The following UBAP1 variants were observed in gnomAD, a reference collection of about 807,000 sequenced individuals.
UBAP1 encodes ubiquitin-associated protein 1.
UBAP1 carries 5 observed loss-of-function variants against 39.0 expected under a neutral mutation model. That is an observed-to-expected ratio of 0.13 (90% CI 0.07 to 0.27). UBAP1 has a LOEUF of 0.27. UBAP1 is among the 10% of genes least tolerant of loss of function. UBAP1 has a pLI of 1.00. For missense variants in UBAP1, 490 were observed against 608.1 expected (o/e 0.81, Z 2.04); for synonymous variants, 211 against 225.1 (o/e 0.94, Z 0.56).
At chr9:34,220,666 A>C (rs1210574681) in intron 1 of UBAP1, among the ~76,000 whole-genome samples, 1 of 151,748 alleles carries the variant, frequency 6.6e-6, no homozygotes, top group Non-Finnish European at 1.5e-5. Context: ...ATGGGGTCTC[A>C]CTATGTTGCT....
intron 3 of UBAP1, among the ~76,000 whole-genome samples, chr9:34,239,250 G>T (rs972552219): frequency 1.3e-5 from 2 of 152,200 alleles, no homozygotes; most frequent in African/African-American, 4.8e-5. Flanking sequence ...TTGCCATGTT[G>T]ACCAGGCTGG....
At chr9:34,205,145 T>C (rs1157196493) in intron 1 of UBAP1, among the ~76,000 whole-genome samples, 1 of 152,028 alleles carries the variant, frequency 6.6e-6, no homozygotes, top group Non-Finnish European at 1.5e-5. Context: ...ACCTCCTGAG[T>C]AGCTGGGACT....
At chr9:34,204,468 A>ATT (rs531410200) in intron 1 of UBAP1, among the ~76,000 whole-genome samples, 1 of 147,828 alleles carries the variant, frequency 6.8e-6, no homozygotes, top group Non-Finnish European at 1.5e-5. Flanking sequence ...GTCCACACCC[A>ATT]TTTTTTTTTT....
chr9:34,182,677 TTCTTTCTC>T (rs1162275495), intron 1 of UBAP1, among the ~76,000 whole-genome samples: 13 of 71,926 alleles, frequency 1.8e-4, no homozygotes, highest in African/African-American at 6.2e-4. Flanking sequence ...CTTTCTTTCT[TTCTTTCTC>T]TCTCTCTTTC....
intron 4 of UBAP1, among the ~76,000 whole-genome samples, chr9:34,249,246 A>G (rs376285207): frequency 6.6e-6 from 1 of 152,110 alleles, no homozygotes; most frequent in Non-Finnish European, 1.5e-5. Flanking sequence ...TGAGCTGTCC[A>G]GGTTCCTAAG....
Position 34,249,804 on chromosome 9 carries a change from C to T in UBAP1, c.1109C>T (p.Ser370Leu). The T allele has an allele frequency of 1.2e-6, 2 of 1,614,172 alleles. No individual in the cohort carries two copies. Among genetic ancestry groups the T allele is most frequent in the South Asian group, 2.2e-5 (2 of 91,078 alleles). ...GTCACCCCTCCTAATTTCTCAGTGT[C>T]ACAAGTGCCCAACATGCCCAGCTGT... ...PTVTPPNFSV[S>L]QVPNMPSCPQ... The change falls in exon 5 of 7, where the codon TCA becomes TTA. Residue 370 changes from serine (S) to leucine (L), a missense_variant. Ser to Leu is a moderately radical substitution (Grantham distance 145). Transcript: ENST00000297661.
At chr9:34,222,797 A>G (rs1832831572) in intron 2 of UBAP1, among the ~76,000 whole-genome samples, 1 of 152,004 alleles carries the variant, frequency 6.6e-6, no homozygotes, top group Admixed American at 6.6e-5. Context: ...CCTGTCTCAA[A>G]CAAACAAACA....
chr9:34,206,527 A>G (rs1415456782), intron 1 of UBAP1, among the ~76,000 whole-genome samples: 5 of 148,470 alleles, frequency 3.4e-5, no homozygotes, highest in Non-Finnish European at 4.5e-5. Context: ...AGAAAAGAAA[A>G]AAGTAAGACT....
rs1343789335 is a variant in UBAP1 at position 34,241,864 on chromosome 9, C to T, written c.839C>T (p.Thr280Ile). ...KLDSDDSNQK[T>I]AKLASTFHST... Reference sequence around the variant, plus strand: ...GACTCTGATGACAGCAATCAGAAGACAGCCAAGCTGGCGAGCACTTTCCAT... The same window carrying T: ...GACTCTGATGACAGCAATCAGAAGATAGCCAAGCTGGCGAGCACTTTCCAT... The change falls in exon 4 of 7, where the codon ACA (threonine) becomes ATA (isoleucine). Residue 280 changes from threonine (T) to isoleucine (I), a missense_variant. Physicochemically the swap from Thr to Ile is moderately conservative, Grantham distance 89. Coordinates refer to ENST00000297661, the MANE Select transcript of UBAP1 (RefSeq NM_016525.5). 3 of 1,614,102 alleles carry T rather than the reference C, an allele frequency of 1.9e-6. No homozygotes were observed. The highest frequency in any genetic ancestry group is 1.7e-5 in the Admixed American group (1 of 60,012).
intron 1 of UBAP1, among the ~76,000 whole-genome samples, chr9:34,193,233 C>G (rs1289155329): frequency 6.6e-6 from 1 of 152,162 alleles, no homozygotes; most frequent in African/African-American, 2.4e-5. Context: ...ATCGCTTGAA[C>G]CCAGGAGGTG....
At chr9:34,186,328 A>G (rs913119371) in intron 1 of UBAP1, among the ~76,000 whole-genome samples, 2 of 152,178 alleles carry the variant, frequency 1.3e-5, no homozygotes, top group Non-Finnish European at 2.9e-5. Flanking sequence ...CCGGTTCATT[A>G]AGGGCCAAAA....
rs1474396196 is a variant in UBAP1 at position 34,201,350 on chromosome 9, G to A, written c.-7-19558G>A. ...CCTGAAGTCAGGAAGTTCGAGACCA[G>A]TCTGGCCAACATGGTGAAACCCCAA... On this transcript the variant is annotated intron_variant, in intron 1 of 6. Transcript: ENST00000297661. 2.0e-5 allele frequency: 3 copies of A among 152,338 alleles called. No individual in the cohort carries two copies. In the East Asian group the frequency reaches 5.8e-4, roughly 29 times the overall value. 9.4% of individuals were successfully genotyped at this position (152,338 alleles called of 1,614,324 possible).
chr9:34,251,348 G>A lies in UBAP1; in HGVS notation c.1369-44G>A, dbSNP rs752213217. On this transcript the variant is annotated intron_variant, in intron 6 of 6. Transcript: ENST00000297661. ...ACACTCCTTCACTCAGCTGTGCTGT[G>A]ACCCCACCCTTTTCTTTAATCTGTG... 10 of 1,607,558 alleles carry A rather than the reference G, an allele frequency of 6.2e-6. No individual in the cohort carries two copies. The South Asian group carries it at 8.9e-5, about 14-fold the overall frequency.
chr9:34,186,561 TC>T (rs1402676222), intron 1 of UBAP1, among the ~76,000 whole-genome samples: 2 of 152,184 alleles, frequency 1.3e-5, no homozygotes, highest in Non-Finnish European at 2.9e-5. Context: ...ATTTTTTTTT[TC>T]TAATCTGGTG....
At chr9:34,248,055 TCAGA>T (rs1303077335) in intron 4 of UBAP1, among the ~76,000 whole-genome samples, 2 of 151,630 alleles carry the variant, frequency 1.3e-5, no homozygotes, top group South Asian at 2.1e-4. Flanking sequence ...TTTTTTTTTT[TCAGA>T]CAGTCTCACT....
At chr9:34,197,076 T>C (rs1831111013) in intron 1 of UBAP1, among the ~76,000 whole-genome samples, 1 of 151,768 alleles carries the variant, frequency 6.6e-6, no homozygotes, top group African/African-American at 2.4e-5. Flanking sequence ...TACAGGCGTG[T>C]GCCACCACAC....
At chr9:34,186,395 G>A (rs531271674) in intron 1 of UBAP1, among the ~76,000 whole-genome samples, 13 of 152,248 alleles carry the variant, frequency 8.5e-5, no homozygotes, top group Admixed American at 3.9e-4. Context: ...GTCATTATCA[G>A]TTGCTTAATG....
chr9:34,179,771 T>C (rs1169545498), intron 1 of UBAP1, among the ~76,000 whole-genome samples: 2 of 152,142 alleles, frequency 1.3e-5, no homozygotes, highest in Non-Finnish European at 2.9e-5. Flanking sequence ...TCCGCCTTTT[T>C]TGTTTCTTGG....
chr9:34,181,136 G>A (rs1467362429), intron 1 of UBAP1, among the ~76,000 whole-genome samples: 1 of 9,220 alleles, frequency 1.1e-4, no homozygotes, highest in Admixed American at 1.7e-3. Context: ...TTTTTTTTGA[G>A]ACAGAGTTTC....
Sources: gnomAD v4.1 joint callset for allele counts (sites outside exome capture counted in the v4.1 genomes callset) on GRCh38, gnomAD v4.1.1 for gene constraint, MANE v1.5 for transcripts, NCBI Gene and HGNC (gene_info 2026-07-23, HGNC 2026-07-21) for gene names.